Variants in SNRPD1 observed in about 807,000 individuals in gnomAD.
SNRPD1 encodes small nuclear ribonucleoprotein Sm D1.
SNRPD1 carries 1 observed loss-of-function variant against 14.4 expected under a neutral mutation model. That is an observed-to-expected ratio of 0.07 (90% CI 0.02 to 0.33). The LOEUF (loss-of-function observed/expected upper bound fraction) is 0.33. Ranked by LOEUF, SNRPD1 falls within the 10% of genes least tolerant of loss-of-function variation. The pLI is 1.00. For missense variants in SNRPD1, 52 were observed against 146.4 expected (o/e 0.36, Z 3.33); for synonymous variants, 42 against 50.3 (o/e 0.83, Z 0.70).
At chr18:21,624,387 A>G (rs1281630451) in intron 3 of SNRPD1, among the ~76,000 whole-genome samples, 1 of 148,004 alleles carries the variant, frequency 6.8e-6, no homozygotes, top group Non-Finnish European at 1.5e-5. Flanking sequence ...AAAAAAAAAA[A>G]ACCAAACAAC....
At position 21,612,387 on chromosome 18, in the gene SNRPD1, A is replaced by T. The variant is rs1172194786; in HGVS notation, c.-43A>T. On this transcript the variant is annotated 5_prime_UTR_variant, in exon 1 of 4. Coordinates refer to ENST00000300413, the MANE Select transcript of SNRPD1 (RefSeq NM_006938.4). ...CAGTCGGTCAGTGTTCGGTTGAAGG[A>T]TTCTGTGTGCTGTCGGACCCAGAGG... 3 of 1,522,026 alleles carry T rather than the reference A, an allele frequency of 2.0e-6. No individual in the cohort carries two copies. Among genetic ancestry groups the T allele is most frequent in the African/African-American group, 1.4e-5 (1 of 71,660 alleles). The allele number at this position is 1,522,026 out of a possible 1,614,324, so 94.3% of individuals were successfully genotyped here. A position where few individuals can be genotyped will look rare whatever the true frequency, so the allele number is the denominator to read the frequency against.
intron 3 of SNRPD1, among the ~76,000 whole-genome samples, chr18:21,624,936 T>C (rs2039025365): frequency 6.6e-6 from 1 of 152,128 alleles, no homozygotes; most frequent in Non-Finnish European, 1.5e-5. Context: ...ATGTAAATGC[T>C]CTGTAGATAG....
In SNRPD1 at chr18:21,632,827, TTTC is replaced by T. The variant is rs2039094141; in HGVS notation, c.*3692_*3694del. On this transcript the variant is annotated 3_prime_UTR_variant, in exon 4 of 4. Coordinates refer to ENST00000300413, the MANE Select transcript of SNRPD1 (RefSeq NM_006938.4). Reference sequence around the variant, plus strand: ...ATGTTACATATGAACTTTAGTTTTTTTTCTTTTCTTTTCTTTTCTTTTCTTTTC... The same window carrying T: ...ATGTTACATATGAACTTTAGTTTTTTTTTTCTTTTCTTTTCTTTTCTTTTC... 3 of 132,410 alleles carry T rather than the reference TTTC, an allele frequency of 2.3e-5. No homozygotes were observed. The highest frequency in any genetic ancestry group is 4.5e-4 in the South Asian group (2 of 4,468). 8.2% of individuals were successfully genotyped at this position (132,410 alleles called of 1,614,324 possible).
intron 1 of SNRPD1, among the ~76,000 whole-genome samples, chr18:21,621,587 A>T (rs1401560774): frequency 6.7e-6 from 1 of 150,364 alleles, no homozygotes; most frequent in African/African-American, 2.5e-5. Flanking sequence ...ATTTTTTTTT[A>T]ATTTTTTTTG....
At chr18:21,626,109 T>C (rs1008182654) in intron 3 of SNRPD1, among the ~76,000 whole-genome samples, 2 of 152,196 alleles carry the variant, frequency 1.3e-5, no homozygotes, top group African/African-American at 4.8e-5. Flanking sequence ...ATAACTGAAA[T>C]TGGCCAGGTG....
chr18:21,621,356 A>G (rs145162360), intron 1 of SNRPD1, among the ~76,000 whole-genome samples: 1 of 152,228 alleles, frequency 6.6e-6, no homozygotes, highest in East Asian at 1.9e-4. Flanking sequence ...AAATTTTGAC[A>G]TTTCCATATA....
chr18:21,612,467 T>G, intron 1 of SNRPD1, 24 bp downstream of exon 1: 1 of 1,500,996 alleles, frequency 6.7e-7, no homozygotes, highest in Admixed American at 2.0e-5. Context: ...CAAGCAGCTC[T>G]GGGGGCTGTG....
chr18:21,622,524 G>T (rs1264805052), intron 1 of SNRPD1, among the ~76,000 whole-genome samples: 1 of 152,172 alleles, frequency 6.6e-6, no homozygotes, highest in African/African-American at 2.4e-5. Context: ...CCAAATGACA[G>T]TTTATGTTAG....
intron 3 of SNRPD1, 58 bp downstream of exon 3, chr18:21,623,997 A>G (rs2039016579): frequency 1.1e-6 from 1 of 942,666 alleles, no homozygotes; most frequent in Non-Finnish European, 1.6e-6. Flanking sequence ...CACACTATTC[A>G]TAATATAGAT....
At chr18:21,622,605 A>G in intron 1 of SNRPD1, 120 bp from the exon 2 acceptor site, 1 of 604,510 alleles carries the variant, frequency 1.7e-6, no homozygotes, top group Non-Finnish European at 3.0e-6. Flanking sequence ...CAGATTATTG[A>G]TAGGAATTGA....
chr18:21,624,195 A>G (rs2039018048), intron 3 of SNRPD1, among the ~76,000 whole-genome samples: 1 of 151,982 alleles, frequency 6.6e-6, no homozygotes, highest in South Asian at 2.1e-4. Context: ...CCTGGCCAAC[A>G]TGGTGAAGCC....
intron 2 of SNRPD1, 99 bp downstream of exon 2, chr18:21,622,900 A>T: frequency 1.7e-6 from 1 of 575,862 alleles, no homozygotes; most frequent in Non-Finnish European, 3.1e-6. Context: ...TGTAGTACAA[A>T]TCCTTATTTT....
At chr18:21,628,430 A>G (rs545403533) in intron 3 of SNRPD1, among the ~76,000 whole-genome samples, 1 of 152,316 alleles carries the variant, frequency 6.6e-6, no homozygotes, top group South Asian at 2.1e-4. Context: ...AGATTTTCTA[A>G]TATTCTTAGC....
chr18:21,630,273 T>G lies in SNRPD1; in HGVS notation c.*1135T>G, dbSNP rs922022414. ...CTGTTCTAATTGTTAATAAGGACTT[T>G]TAAAAATTGTTTTTGATTTGCTAAG... On this transcript the variant is annotated 3_prime_UTR_variant, in exon 4 of 4. Transcript: ENST00000300413. 3 of 152,220 alleles carry G rather than the reference T, an allele frequency of 2.0e-5. No homozygotes were observed. Among genetic ancestry groups the G allele is most frequent in the African/African-American group, 7.2e-5 (3 of 41,468 alleles). 9.4% of individuals were successfully genotyped at this position (152,220 alleles called of 1,614,324 possible). A position where few individuals can be genotyped will look rare whatever the true frequency, so the allele number is the denominator to read the frequency against.
At chr18:21,624,311 G>A (rs1368950247) in intron 3 of SNRPD1, among the ~76,000 whole-genome samples, 7 of 150,122 alleles carry the variant, frequency 4.7e-5, no homozygotes, top group African/African-American at 7.4e-5. Context: ...CCCAGTAGGC[G>A]GAGGTTGCAG....
chr18:21,622,974 C>T (rs183470305), intron 2 of SNRPD1, among the ~76,000 whole-genome samples, 173 bp downstream of exon 2: 19 of 150,550 alleles, frequency 1.3e-4, no homozygotes, highest in African/African-American at 3.7e-4. Context: ...TCACCTGGGC[C>T]GGAGTGCAGT....
intron 3 of SNRPD1, among the ~76,000 whole-genome samples, chr18:21,626,837 A>C (rs2039043166): frequency 6.6e-6 from 1 of 151,496 alleles, no homozygotes; most frequent in African/African-American, 2.4e-5. Flanking sequence ...AAGAGACAAG[A>C]TCTCACTGTG....
At chr18:21,620,902 G>A (rs1047078923) in intron 1 of SNRPD1, among the ~76,000 whole-genome samples, 1 of 152,140 alleles carries the variant, frequency 6.6e-6, no homozygotes, top group Non-Finnish European at 1.5e-5. Context: ...GGTGGCTCAT[G>A]CCTGTAATCC....
rs546268765 is a variant in SNRPD1, at chr18:21,629,723, G to T, written c.*585G>T. The T allele has an allele frequency of 5.2e-5, 8 of 152,912 alleles. No individual in the cohort carries two copies. Among genetic ancestry groups the T allele is most frequent in the African/African-American group, 1.9e-4 (8 of 41,582 alleles). 9.5% of individuals were successfully genotyped at this position (152,912 alleles called of 1,614,324 possible). A position where few individuals can be genotyped will look rare whatever the true frequency, so the allele number is the denominator to read the frequency against. On this transcript the variant is annotated 3_prime_UTR_variant, in exon 4 of 4. Transcript: ENST00000300413. Reference sequence around the variant, plus strand: ...CAGTTAGGCTACAGTTCTATGTACTGAGAAACCTTTAAGCTGAACTTGAGA... The same window carrying T: ...CAGTTAGGCTACAGTTCTATGTACTTAGAAACCTTTAAGCTGAACTTGAGA...
Sources: allele counts gnomAD v4.1 joint callset (sites outside exome capture counted in the v4.1 genomes callset), GRCh38; gene constraint gnomAD v4.1.1; transcripts MANE v1.5; gene names NCBI Gene and HGNC (gene_info 2026-07-23, HGNC 2026-07-21).